Variants in CLEC16A observed in about 807,000 individuals in gnomAD.
CLEC16A encodes protein CLEC16A.
A neutral mutation model predicts 109.5 loss-of-function variants in CLEC16A; 51 were observed. That is an observed-to-expected ratio of 0.47 (90% CI 0.37 to 0.59). CLEC16A has a LOEUF of 0.59. Among genes scored for constraint, CLEC16A ranks in the 20% least tolerant of loss-of-function variants. The pLI is 0.00. For missense variants in CLEC16A, 1,339 were observed against 1,394.0 expected, an observed-to-expected ratio of 0.96 and a Z score of 0.63; for synonymous variants, 673 against 564.2, an observed-to-expected ratio of 1.19 and a Z score of -2.73.
chr16:11,070,165 G>A (rs1169392026), intron 19 of CLEC16A, among the ~76,000 whole-genome samples: 2 of 151,930 alleles, frequency 1.3e-5, no homozygotes, highest in Non-Finnish European at 2.9e-5. Flanking sequence ...CCGCCTCCCG[G>A]GTTCACACCA....
chr16:11,135,387 T>A (rs1311863237), intron 22 of CLEC16A, among the ~76,000 whole-genome samples: 1 of 152,112 alleles, frequency 6.6e-6, no homozygotes, highest in Non-Finnish European at 1.5e-5. Flanking sequence ...ACTCACAACA[T>A]GCCCCCCAAA....
chr16:11,170,626 C>T (rs1330171660), intron 23 of CLEC16A, among the ~76,000 whole-genome samples: 1 of 152,212 alleles, frequency 6.6e-6, no homozygotes, highest in Non-Finnish European at 1.5e-5. Flanking sequence ...CGTGGCCTTC[C>T]AACCTCTTAG....
intron 22 of CLEC16A, among the ~76,000 whole-genome samples, chr16:11,136,861 C>A (rs1325687299): frequency 6.6e-6 from 1 of 152,230 alleles, no homozygotes; most frequent in Non-Finnish European, 1.5e-5. Flanking sequence ...GCCAGGCAGT[C>A]CCCCGGAGCC....
intron 19 of CLEC16A, among the ~76,000 whole-genome samples, chr16:11,117,136 T>C (rs999791775): frequency 6.6e-6 from 1 of 152,154 alleles, no homozygotes; most frequent in African/African-American, 2.4e-5. Flanking sequence ...TGGATACTCA[T>C]GGACATAAAG....
intron 1 of CLEC16A, among the ~76,000 whole-genome samples, chr16:10,950,185 G>A (rs532108420): frequency 6.6e-6 from 1 of 152,154 alleles, no homozygotes; most frequent in African/African-American, 2.4e-5. Context: ...CTGTCCTTTG[G>A]CTATCAGACA....
chr16:11,137,959 AGCC>A (rs1215167968), intron 22 of CLEC16A, among the ~76,000 whole-genome samples: 2 of 152,252 alleles, frequency 1.3e-5, no homozygotes, highest in African/African-American at 4.8e-5. Flanking sequence ...GACAGGCAGA[AGCC>A]ATTTGATTTT....
At chr16:10,970,780 T>C (rs1450760099) in intron 4 of CLEC16A, among the ~76,000 whole-genome samples, 2 of 152,254 alleles carry the variant, frequency 1.3e-5, no homozygotes, top group Non-Finnish European at 2.9e-5. Context: ...AGGGTCTTGC[T>C]CTGTTGCCCA....
At chr16:10,953,628 G>T (rs927731826) in intron 1 of CLEC16A, among the ~76,000 whole-genome samples, 1 of 152,148 alleles carries the variant, frequency 6.6e-6, no homozygotes, top group East Asian at 1.9e-4. Flanking sequence ...TCCAGTAAAG[G>T]GTTTGTGGTC....
At chr16:11,013,946 AG>A (rs1483696956) in intron 11 of CLEC16A, among the ~76,000 whole-genome samples, 4 of 151,334 alleles carry the variant, frequency 2.6e-5, no homozygotes, top group Non-Finnish European at 5.9e-5. Flanking sequence ...CTCAAAAAAA[AG>A]AAGAAGAAGA....
chr16:11,144,861 A>G (rs2053987467), intron 22 of CLEC16A, among the ~76,000 whole-genome samples: 2 of 152,116 alleles, frequency 1.3e-5, no homozygotes, highest in South Asian at 4.1e-4. Flanking sequence ...AAAGCTTGTC[A>G]TGCCTTGGGG....
chr16:11,165,489 C>G (rs986142511), intron 22 of CLEC16A, among the ~76,000 whole-genome samples: 7 of 152,082 alleles, frequency 4.6e-5, no homozygotes, highest in East Asian at 1.9e-4. Flanking sequence ...GAAACCCTAT[C>G]GCAAAAAAAC....
At chr16:11,032,112 T>A (rs1014045786) in intron 13 of CLEC16A, among the ~76,000 whole-genome samples, 2 of 151,550 alleles carry the variant, frequency 1.3e-5, no homozygotes, top group African/African-American at 4.9e-5. Context: ...CCCGCAGGAG[T>A]GAGGACCCGT....
rs573929015 is a variant in CLEC16A at position 11,072,249 on chromosome 16, A to G, written c.2116+11227A>G. Among the ~76,000 whole-genome samples the G allele has an allele frequency of 1.3e-4, 20 of 151,896 alleles. 1 individual carries two copies. The South Asian group carries it at 3.7e-3, about 28-fold the overall frequency. On this transcript the variant is annotated intron_variant, in intron 19 of 23. Transcript: ENST00000409790. ...CGATCCTCCCACCTCAGCCTGTAGT[A>G]TCTGGGACTACTGGCACGTGCCACC...
chr16:11,176,049 CAT>C (rs2068734873), intron 23 of CLEC16A, among the ~76,000 whole-genome samples: 2 of 152,164 alleles, frequency 1.3e-5, no homozygotes, highest in Non-Finnish European at 2.9e-5. Flanking sequence ...TGTGGATCCA[CAT>C]GTGTGTGAGT....
intron 19 of CLEC16A, among the ~76,000 whole-genome samples, chr16:11,108,615 T>G (rs568607571): frequency 2.0e-5 from 3 of 152,088 alleles, no homozygotes; most frequent in African/African-American, 7.2e-5. Flanking sequence ...TTCAGGAGAG[T>G]GTGAAGTTCA....
intron 10 of CLEC16A, among the ~76,000 whole-genome samples, chr16:10,983,403 C>T (rs146547819): frequency 6.5e-4 from 99 of 152,340 alleles, no homozygotes; most frequent in Middle Eastern, 3.4e-3. Context: ...AGAGTGTATG[C>T]CACCTTGGCG....
At chr16:11,020,061 T>G (rs2046003371) in intron 11 of CLEC16A, 132 bp from the exon 12 acceptor site, 8 of 1,013,056 alleles carry the variant, frequency 7.9e-6, no homozygotes, top group African/African-American at 1.6e-5. Flanking sequence ...GGTGTTCAGG[T>G]CGCTGCTGTC....
chr16:11,062,830 T>G (rs1283619929), intron 19 of CLEC16A, among the ~76,000 whole-genome samples: 1 of 138,456 alleles, frequency 7.2e-6, no homozygotes, highest in Admixed American at 8.1e-5. Flanking sequence ...TCAAGTTGGC[T>G]GCAAAGAATC....
intron 18 of CLEC16A, among the ~76,000 whole-genome samples, chr16:11,055,574 G>GTTTTTTTT (rs2048168747): frequency 1.9e-5 from 1 of 53,368 alleles, no homozygotes; most frequent in African/African-American, 1.1e-4. Flanking sequence ...TTTCCCTCTT[G>GTTTTTTTT]CTTTTTTTTT....
Sources: allele counts gnomAD v4.1 joint callset (sites outside exome capture counted in the v4.1 genomes callset), GRCh38; gene constraint gnomAD v4.1.1; transcripts MANE v1.5; gene names NCBI Gene and HGNC (gene_info 2026-07-23, HGNC 2026-07-21).